The following GNL3 variants were observed in gnomAD, a reference collection of about 807,000 sequenced individuals.
GNL3 encodes the protein guanine nucleotide-binding protein-like 3.
A neutral mutation model predicts 70.6 loss-of-function variants in GNL3; 77 were observed. The ratio of observed to expected loss-of-function variants is 1.09; its 90% CI spans 0.91 to 1.32. The LOEUF (loss-of-function observed/expected upper bound fraction) is 1.32, where lower values mean the gene tolerates loss of function less well. GNL3 is among the 40% of genes most tolerant of loss of function. The probability of loss-of-function intolerance (pLI) is 0.00; values close to 1 mark genes in which losing one functional copy is unlikely to be tolerated. For missense variants in GNL3, 634 were observed against 644.0 expected, an observed-to-expected ratio of 0.98 and a Z score of 0.17; for synonymous variants, 252 against 216.1, an observed-to-expected ratio of 1.17 and a Z score of -1.46.
intron 7 of GNL3, 94 bp from the exon 8 acceptor site, chr3:52,690,851 A>T: frequency 7.6e-7 from 1 of 1,307,546 alleles, no homozygotes; most frequent in Non-Finnish European, 1.1e-6. Context: ...CAATGTAGTT[A>T]TCTTAAGAGC....
At chr3:52,692,381 T>G (rs962478878) in intron 9 of GNL3, among the ~76,000 whole-genome samples, 9 of 150,986 alleles carry the variant, frequency 6.0e-5, no homozygotes, top group Middle Eastern at 3.4e-3. Flanking sequence ...TTTTTTTTTT[T>G]GGGAGATGGA....
chr3:52,687,751 G>T, intron 4 of GNL3, 136 bp downstream of exon 4: 1 of 625,584 alleles, frequency 1.6e-6, no homozygotes, highest in Non-Finnish European at 2.9e-6. Flanking sequence ...TACCACCTCA[G>T]TCTCCAAGTA....
At chr3:52,689,479 A>G (rs1291212092) in intron 6 of GNL3, among the ~76,000 whole-genome samples, 2 of 152,190 alleles carry the variant, frequency 1.3e-5, no homozygotes, top group African/African-American at 2.4e-5. Context: ...AGTATATTTC[A>G]TCTAGGAAGT....
intron 1 of GNL3, chr3:52,686,316 GC>G (rs1204064399): frequency 3.6e-5 from 22 of 610,718 alleles, no homozygotes; most frequent in Admixed American, 1.7e-4. Flanking sequence ...GCGGAACGAA[GC>G]CGGGCAGAGG....
intron 8 of GNL3, 100 bp from the exon 9 acceptor site, chr3:52,691,442 C>G: frequency 1.3e-6 from 1 of 747,604 alleles, no homozygotes; most frequent in Non-Finnish European, 2.4e-6. Flanking sequence ...CAACTCTGAT[C>G]TTGCCCTAAA....
rs2097328895 is a variant in GNL3 at position 52,693,041 on chromosome 3, C to T, written c.1039C>T (p.Arg347Ter). 5 of 1,614,014 alleles carry T rather than the reference C, an allele frequency of 3.1e-6. No homozygotes were observed. Among genetic ancestry groups the T allele is most frequent in the Non-Finnish European group, 4.2e-6 (5 of 1,179,892 alleles). ...ASAILSQADA[R>*]QVVLKYTVPG... ...TGCCATCCTTTCCCAGGCTGATGCT[C>T]GACAGGTAAAAGGACCCCTTCTCAT... The change falls in exon 10 of 15, where the codon CGA becomes TGA. Residue 347 changes from arginine to a stop codon, truncating the protein, a stop_gained. Coordinates refer to ENST00000418458, the MANE Select transcript of GNL3 (RefSeq NM_014366.5). LOFTEE classifies it high-confidence loss of function.
chr3:52,688,962 G>T (rs551039454), intron 5 of GNL3, 112 bp from the exon 6 acceptor site: 5 of 836,464 alleles, frequency 6.0e-6, no homozygotes, highest in Non-Finnish European at 9.8e-6. Context: ...TCACCCTGTT[G>T]CTAAATGGAT....
chr3:52,685,980 G>A (rs561801687), upstream of GNL3: 23 of 761,898 alleles, frequency 3.0e-5, no homozygotes, highest in African/African-American at 3.2e-4. Context: ...CAGAGAGGCG[G>A]TGACGCACTT....
At chr3:52,686,247 G>A (rs539566051) in intron 1 of GNL3, 142 bp downstream of exon 1, 2 of 838,122 alleles carry the variant, frequency 2.4e-6, no homozygotes, top group Admixed American at 2.3e-5. Flanking sequence ...CCTATTTCCT[G>A]GTAGAACCGA....
intron 1 of GNL3, 82 bp downstream of exon 1, chr3:52,686,187 G>T (rs2097309773): frequency 1.3e-6 from 2 of 1,506,664 alleles, no homozygotes; most frequent in Non-Finnish European, 1.8e-6. Flanking sequence ...CTACGGCTAC[G>T]GCTTTGTCTC....
At chr3:52,686,896 G>A (rs999951143) in intron 2 of GNL3, 69 bp downstream of exon 2, 2 of 1,169,766 alleles carry the variant, frequency 1.7e-6, no homozygotes, top group Non-Finnish European at 2.6e-6. Flanking sequence ...TTCCTTTGCG[G>A]GAAAGTCTGG....
chr3:52,686,734 T>C lies in GNL3; in HGVS notation c.14-35T>C, dbSNP rs376736691. The stretch of plus-strand genomic sequence containing the variant: ...AGTGCGTTAACCCAGAACTAATCAT[T>C]TGGGTTAACAGATTTGTGATGTGTT... On this transcript the variant is annotated intron_variant, in intron 1 of 14. Coordinates refer to ENST00000418458, the MANE Select transcript of GNL3 (RefSeq NM_014366.5). 8 of 1,490,944 alleles carry C rather than the reference T, an allele frequency of 5.4e-6. No individual in the cohort carries two copies. The African/African-American group carries it at 1.1e-4, about 21-fold the overall frequency. 92.4% of individuals were successfully genotyped at this position (1,490,944 alleles called of 1,614,324 possible).
At chr3:52,686,937 T>C (rs959566515) in intron 2 of GNL3, 110 bp downstream of exon 2, 1 of 771,794 alleles carries the variant, frequency 1.3e-6, no homozygotes, top group South Asian at 1.6e-5. Flanking sequence ...GGAAATGGCA[T>C]TGGATAGACT....
intron 7 of GNL3, 103 bp downstream of exon 7, chr3:52,690,807 C>T: frequency 8.7e-7 from 1 of 1,155,878 alleles, no homozygotes; most frequent in Admixed American, 1.9e-5. Flanking sequence ...TTACAAGATC[C>T]AACTCTGATT....
At position 52,686,836 on chromosome 3, in the gene GNL3, A is replaced by G. The variant is rs900375112; in HGVS notation, c.72+9A>G. On this transcript the variant is annotated intron_variant, in intron 2 of 14. Coordinates refer to ENST00000418458, the MANE Select transcript of GNL3 (RefSeq NM_014366.5). ...ATAAAATCCAAAAAAAGGTAAGTGT[A>G]GTGCTTGAGAGAGCTGTACCAAACA... is the stretch of plus-strand genomic sequence containing the variant. The G allele has an allele frequency of 1.9e-6, 3 of 1,587,002 alleles. No homozygotes were observed. Among genetic ancestry groups the G allele is most frequent in the Non-Finnish European group, 1.7e-6 (2 of 1,155,430 alleles).
intron 8 of GNL3, chr3:52,691,307 G>A (rs2097327018): frequency 1.7e-6 from 1 of 604,436 alleles, no homozygotes; most frequent in South Asian, 2.1e-5. Context: ...GATTACTGTA[G>A]GAAGCTGGTT....
Position 52,690,666 on chromosome 3 carries a change from GCCT to G in GNL3, c.618_620del (p.Ser207del). 1 of 1,608,508 alleles carries G rather than the reference GCCT, an allele frequency of 6.2e-7. No homozygotes were observed. Among genetic ancestry groups the G allele is most frequent in the Non-Finnish European group, 8.5e-7 (1 of 1,174,946 alleles). On this transcript the variant is annotated inframe_deletion, in exon 7 of 15. Coordinates refer to ENST00000418458, the MANE Select transcript of GNL3 (RefSeq NM_014366.5). ...AGAATTGCCAACAGTGGTGTTCAGAGCCTCAACAAAACCAAAGGATAAAGGGAA... is the reference window on the plus strand; with the variant it reads ...AGAATTGCCAACAGTGGTGTTCAGAGCAACAAAACCAAAGGATAAAGGGAA...
chr3:52,691,493 G>T (rs1165124818), intron 8 of GNL3, 49 bp from the exon 9 acceptor site: 4 of 1,088,072 alleles, frequency 3.7e-6, no homozygotes, highest in African/African-American at 1.5e-5. Flanking sequence ...AATTTCATAA[G>T]TGCCAACATA....
intron 3 of GNL3, 36 bp from the exon 4 acceptor site, chr3:52,687,466 T>C (rs1014579701): frequency 6.9e-6 from 11 of 1,585,538 alleles, no homozygotes; most frequent in Admixed American, 6.7e-5. Flanking sequence ...ACAACACTAG[T>C]CACTGGTTCA....
Sources: gnomAD v4.1 joint callset for allele counts (sites outside exome capture counted in the v4.1 genomes callset) on GRCh38, gnomAD v4.1.1 for gene constraint, MANE v1.5 for transcripts, NCBI Gene and HGNC (gene_info 2026-07-23, HGNC 2026-07-21) for gene names.